The following RANBP2 variants were observed in gnomAD, a reference collection of about 807,000 sequenced individuals.
RANBP2 encodes RAN binding protein 2.
RANBP2 carries 57 observed loss-of-function variants against 303.6 expected under a neutral mutation model. The observed-to-expected ratio is 0.19, with a 90% CI of 0.15 to 0.23. RANBP2 has a LOEUF of 0.23. Among genes scored for constraint, RANBP2 ranks in the 10% least tolerant of loss-of-function variants. The probability of loss-of-function intolerance (pLI) is 1.00; values close to 1 mark genes in which losing one functional copy is unlikely to be tolerated. For synonymous variants in RANBP2, 1,167 were observed against 1,301.5 expected, an observed-to-expected ratio of 0.90 and a Z score of 2.23; for missense variants, 3,138 against 3,780.8, an observed-to-expected ratio of 0.83 and a Z score of 4.46.
chr2:109,423,866 C>T, the RANBP2 span, among the ~76,000 whole-genome samples: 2 of 152,170 alleles, frequency 1.3e-5, no homozygotes, highest in African/African-American at 4.8e-5. Context: ...GCCGCCTGCA[C>T]CTCTAGAGAG....
At chr2:109,387,875 C>A in the RANBP2 span, among the ~76,000 whole-genome samples, 1 of 152,184 alleles carries the variant, frequency 6.6e-6, no homozygotes, top group Non-Finnish European at 1.5e-5. Flanking sequence ...GGGGTCTCCT[C>A]CCCCGGCCCA....
chr2:108,881,217 C>T, the RANBP2 span, among the ~76,000 whole-genome samples: 2 of 152,204 alleles, frequency 1.3e-5, no homozygotes, highest in African/African-American at 4.8e-5. Context: ...AGCTTCTACA[C>T]CAGCACTTGT....
the RANBP2 span, among the ~76,000 whole-genome samples, chr2:109,740,383 A>G: frequency 2.6e-5 from 4 of 152,178 alleles, no homozygotes; most frequent in African/African-American, 7.2e-5. Context: ...TAACATGTGG[A>G]GGCTTCAACA....
At chr2:109,229,979 T>C in the RANBP2 span, among the ~76,000 whole-genome samples, 2 of 151,848 alleles carry the variant, frequency 1.3e-5, no homozygotes, top group Non-Finnish European at 2.9e-5. Context: ...CGCACGCCAG[T>C]ATGCCCGGCT....
chr2:108,913,507 CACTATTAAAA>C, the RANBP2 span, among the ~76,000 whole-genome samples: 21 of 151,952 alleles, frequency 1.4e-4, no homozygotes, highest in Admixed American at 1.3e-4. Context: ...AATATATGCT[CACTATTAAAA>C]ATCTGGAAAA....
chr2:108,740,346 A>G (rs2149159690), intron 6 of RANBP2, 143 bp from the exon 7 acceptor site: 1 of 1,337,428 alleles, frequency 7.5e-7, no homozygotes, highest in Middle Eastern at 2.6e-4. Flanking sequence ...TTCATAATTT[A>G]TAACATGGGG....
At chr2:108,980,580 T>C in the RANBP2 span, among the ~76,000 whole-genome samples, 1 of 152,136 alleles carries the variant, frequency 6.6e-6, no homozygotes, top group African/African-American at 2.4e-5. Flanking sequence ...GAGTGGACAC[T>C]GTTATGGATA....
chr2:109,553,152 T>C, the RANBP2 span: 1 of 1,614,162 alleles, frequency 6.2e-7, no homozygotes, highest in Non-Finnish European at 8.5e-7. Flanking sequence ...ATCTGTTTCA[T>C]TTCTTCTTCC....
the RANBP2 span, among the ~76,000 whole-genome samples, chr2:109,182,861 A>G: frequency 5.9e-5 from 9 of 152,248 alleles, no homozygotes; most frequent in African/African-American, 2.2e-4. Flanking sequence ...TTATTTCCAT[A>G]TGCATATTGC....
At chr2:109,713,011 G>GA in the RANBP2 span, among the ~76,000 whole-genome samples, 1 of 151,998 alleles carries the variant, frequency 6.6e-6, no homozygotes. Context: ...GACGGAATAT[G>GA]AAAAAAATCC....
the RANBP2 span, among the ~76,000 whole-genome samples, chr2:109,520,331 G>A: frequency 5.5e-3 from 833 of 152,194 alleles, 14 homozygotes; most frequent in African/African-American, 0.019. Flanking sequence ...GGCCAGGCGC[G>A]GTGGCTCATG....
the RANBP2 span, chr2:109,545,210 G>A: frequency 2.0e-6 from 2 of 985,256 alleles, no homozygotes; most frequent in South Asian, 9.4e-5. Context: ...TCCCCCAAAT[G>A]AGCATTCTGA....
chr2:109,372,375 T>G, the RANBP2 span, among the ~76,000 whole-genome samples: 1 of 152,340 alleles, frequency 6.6e-6, no homozygotes, highest in South Asian at 2.1e-4. Flanking sequence ...CGTGTGTGTC[T>G]GCCATTTGTC....
chr2:108,927,160 C>T, the RANBP2 span, among the ~76,000 whole-genome samples: 9 of 152,314 alleles, frequency 5.9e-5, no homozygotes, highest in South Asian at 4.1e-4. Flanking sequence ...CGGAGCAGTG[C>T]GAAGGCACTC....
the RANBP2 span, among the ~76,000 whole-genome samples, chr2:109,674,410 CAAAAAAAAA>C: frequency 5.3e-5 from 4 of 75,302 alleles, no homozygotes; most frequent in Admixed American, 1.8e-4. Flanking sequence ...CTTGTGTCTC[CAAAAAAAAA>C]AAAAAAAAAA....
At chr2:108,808,382 G>A in the RANBP2 span, among the ~76,000 whole-genome samples, 2 of 152,116 alleles carry the variant, frequency 1.3e-5, no homozygotes, top group South Asian at 4.1e-4. Context: ...ACCCAGAAGT[G>A]GTATTGCAGG....
Position 108,765,095 on chromosome 2 carries a change from C to G in RANBP2, c.4556C>G (p.Ala1519Gly). The change falls in exon 20 of 29, where the codon GCC becomes GGC. Residue 1519 changes from alanine (A) to glycine (G), a missense_variant. Transcript: ENST00000283195. The stretch of plus-strand genomic sequence containing the variant: ...CCTGCTACTTCTATTCCAACACCTG[C>G]CTCTTTTAAGTTTGGTACTTCAGAG... Reference protein sequence around the residue: ...SLPATSIPTPASFKFGTSETS... With the variant: ...SLPATSIPTPGSFKFGTSETS... 1 of 1,614,038 alleles carries G rather than the reference C, an allele frequency of 6.2e-7. No homozygotes were observed. The highest frequency in any genetic ancestry group is 8.5e-7 in the Non-Finnish European group (1 of 1,179,980).
the RANBP2 span, among the ~76,000 whole-genome samples, chr2:109,273,233 G>C: frequency 6.6e-6 from 1 of 152,222 alleles, no homozygotes; most frequent in African/African-American, 2.4e-5. Flanking sequence ...CGTCTGTTCA[G>C]TGCTGCCTGC....
chr2:109,211,746 G>A, the RANBP2 span, among the ~76,000 whole-genome samples: 1 of 151,196 alleles, frequency 6.6e-6, no homozygotes, highest in African/African-American at 2.4e-5. Context: ...CTGGGTTTAA[G>A]CAGTTCTCCT....
Sources: gnomAD v4.1 joint callset for allele counts (sites outside exome capture counted in the v4.1 genomes callset) on GRCh38, gnomAD v4.1.1 for gene constraint, MANE v1.5 for transcripts, NCBI Gene and HGNC (gene_info 2026-07-23, HGNC 2026-07-21) for gene names.